Variants in FAAH2 observed in about 807,000 individuals in gnomAD.
The protein encoded by FAAH2 is fatty-acid amide hydrolase 2.
Under a neutral mutation model 36.9 loss-of-function variants are expected in FAAH2, and 60 were observed. The observed-to-expected ratio is 1.63, with a 90% CI of 1.32 to 2.02. The LOEUF is 2.02. FAAH2 is among the 30% of genes most tolerant of loss of function. FAAH2 has a pLI of 0.00. For missense variants in FAAH2, 689 were observed against 397.5 expected (o/e 1.73, Z -6.23); for synonymous variants, 214 against 143.8 (o/e 1.49, Z -3.49).
At chrX:57,482,190 C>T (rs1283295586) in intron 10 of FAAH2, among the ~76,000 whole-genome samples, 2 of 111,841 alleles carry the variant, frequency 1.8e-5, no homozygotes, top group African/African-American at 3.3e-5. Context: ...GCAGTGGGAC[C>T]TGCTGAGCAA....
intron 5 of FAAH2, among the ~76,000 whole-genome samples, chrX:57,352,558 C>T (rs903817476): frequency 2.7e-5 from 3 of 110,313 alleles, no homozygotes; most frequent in Admixed American, 1.9e-4. Context: ...TGGAACAAAG[C>T]GAGAATACCC....
At chrX:57,431,160 T>C (rs1300081189) in intron 7 of FAAH2, among the ~76,000 whole-genome samples, 3 of 111,756 alleles carry the variant, frequency 2.7e-5, no homozygotes, top group African/African-American at 9.8e-5. Flanking sequence ...ACTTTTAATA[T>C]CCATTGTCAT....
At chrX:57,362,234 C>G (rs2054303524) in intron 5 of FAAH2, among the ~76,000 whole-genome samples, 1 of 111,243 alleles carries the variant, frequency 9.0e-6, no homozygotes, top group African/African-American at 3.3e-5. Flanking sequence ...CCATCATTCT[C>G]AGCAAAATAA....
At chrX:57,356,987 T>C (rs973282351) in intron 5 of FAAH2, among the ~76,000 whole-genome samples, 2 of 110,993 alleles carry the variant, frequency 1.8e-5, no homozygotes, top group African/African-American at 6.5e-5. Context: ...CCTCTCACTG[T>C]GTCCATGTGT....
At chrX:57,147,564 C>T in the FAAH2 span, among the ~76,000 whole-genome samples, 7 of 111,074 alleles carry the variant, frequency 6.3e-5, no homozygotes, top group African/African-American at 1.3e-4. Context: ...CATTTCATTC[C>T]GCTCTGATCT....
At chrX:57,142,140 C>G in the FAAH2 span, among the ~76,000 whole-genome samples, 1 of 111,951 alleles carries the variant, frequency 8.9e-6, no homozygotes, top group Non-Finnish European at 1.9e-5. Context: ...TTTCCTTCTA[C>G]TAACTCAAGG....
At chrX:57,285,811 C>T (rs774710241), upstream of FAAH2, among the ~76,000 whole-genome samples, 8 of 111,347 alleles carry the variant, frequency 7.2e-5, 1 homozygote, top group Non-Finnish European at 1.5e-4. Flanking sequence ...AGAATTATTG[C>T]GGAGTTATTG....
chrX:57,243,951 G>T, the FAAH2 span, among the ~76,000 whole-genome samples: 24 of 109,114 alleles, frequency 2.2e-4, no homozygotes, highest in Non-Finnish European at 4.2e-4. Context: ...AAACTCCTCT[G>T]GGCTAAAGGA....
chrX:57,399,407 C>T (rs765710299), intron 7 of FAAH2, among the ~76,000 whole-genome samples: 1 of 111,846 alleles, frequency 8.9e-6, no homozygotes, highest in Non-Finnish European at 1.9e-5. Context: ...AAGTATTTTC[C>T]CTTCTTCAGT....
Position 57,322,081 on chromosome X carries a change from C to G in FAAH2, c.413-9517C>G, listed in dbSNP as rs984711419. ...AGACGGAGTCTCGCTCAGCTCACTG[C>G]AAGCTCTGCCTCCCGGGTTCACGCC... On this transcript the variant is annotated intron_variant, in intron 3 of 10. Coordinates refer to ENST00000374900, the MANE Select transcript of FAAH2 (RefSeq NM_174912.4). 4.5e-5 allele frequency among the ~76,000 whole-genome samples: 5 copies of G among 109,903 alleles called. 1 individual carries two copies. The highest frequency in any genetic ancestry group is 1.7e-4 in the African/African-American group (5 of 30,158).
intron 10 of FAAH2, among the ~76,000 whole-genome samples, chrX:57,453,473 C>G (rs759051351): frequency 1.3e-3 from 141 of 111,452 alleles, no homozygotes; most frequent in Middle Eastern, 4.6e-3. Flanking sequence ...TCCAGGGAAA[C>G]AGAAAAACTG....
At chrX:57,149,526 T>G in the FAAH2 span, among the ~76,000 whole-genome samples, 1 of 111,976 alleles carries the variant, frequency 8.9e-6, no homozygotes, top group African/African-American at 3.2e-5. Context: ...TTCTTCTAGA[T>G]TTTCCAGTTT....
chrX:57,283,447 T>C (rs1300887129), upstream of FAAH2, among the ~76,000 whole-genome samples: 1 of 110,715 alleles, frequency 9.0e-6, no homozygotes, highest in Non-Finnish European at 1.9e-5. Context: ...GACTGTGTCT[T>C]GCTAGAAATG....
the FAAH2 span, among the ~76,000 whole-genome samples, chrX:57,256,931 C>T: frequency 8.9e-6 from 1 of 112,223 alleles, no homozygotes; most frequent in African/African-American, 3.2e-5. Flanking sequence ...GGCCAACAGA[C>T]ATATGAAAAA....
At chrX:57,418,376 C>A (rs930574554) in intron 7 of FAAH2, among the ~76,000 whole-genome samples, 1 of 111,840 alleles carries the variant, frequency 8.9e-6, no homozygotes, top group Non-Finnish European at 1.9e-5. Context: ...CTGAGGGAAT[C>A]TCCTGGTCTG....
the FAAH2 span, among the ~76,000 whole-genome samples, chrX:57,153,462 T>G: frequency 8.9e-6 from 1 of 111,938 alleles, no homozygotes; most frequent in African/African-American, 3.2e-5. Flanking sequence ...ATGGGTTCTG[T>G]GAGATTTATG....
intron 4 of FAAH2, among the ~76,000 whole-genome samples, chrX:57,335,399 C>T (rs1319057828): frequency 8.9e-6 from 1 of 112,069 alleles, no homozygotes; most frequent in Non-Finnish European, 1.9e-5. Context: ...GAGAGAAGGT[C>T]AACAGGTAAA....
intron 10 of FAAH2, among the ~76,000 whole-genome samples, chrX:57,484,859 C>A (rs1292588160): frequency 9.0e-6 from 1 of 110,885 alleles, no homozygotes; most frequent in African/African-American, 3.3e-5. Context: ...ATTTACGAGT[C>A]CTGAAGGGGC....
At chrX:57,201,059 T>TG in the FAAH2 span, among the ~76,000 whole-genome samples, 1 of 109,443 alleles carries the variant, frequency 9.1e-6, no homozygotes, top group African/African-American at 3.3e-5. Flanking sequence ...AAAAGTTTTT[T>TG]TTTTTTTTTC....
Sources: gnomAD v4.1 joint callset for allele counts (sites outside exome capture counted in the v4.1 genomes callset) on GRCh38, gnomAD v4.1.1 for gene constraint, MANE v1.5 for transcripts, NCBI Gene and HGNC (gene_info 2026-07-23, HGNC 2026-07-21) for gene names.